The following CTDSP2 variants were observed in gnomAD, a reference collection of about 807,000 sequenced individuals.
CTDSP2 encodes the protein CTD small phosphatase 2.
Under a neutral mutation model 31.6 loss-of-function variants are expected in CTDSP2, and 9 were observed. The observed-to-expected ratio is 0.28, with a 90% CI of 0.17 to 0.50. The LOEUF is 0.50. Among genes scored for constraint, CTDSP2 ranks in the 20% least tolerant of loss-of-function variants. CTDSP2 has a pLI of 0.98. For synonymous variants in CTDSP2, 134 were observed against 134.5 expected (o/e 1.00, Z 0.03); for missense variants, 267 against 348.5 (o/e 0.77, Z 1.86).
At chr12:57,832,790 T>TAAAAAAAAAAAAAAAAAAAAAA (rs61390174) in intron 1 of CTDSP2, among the ~76,000 whole-genome samples, 1 of 44,900 alleles carries the variant, frequency 2.2e-5, no homozygotes, top group Non-Finnish European at 3.7e-5. Context: ...AGACTCTGGC[T>TAAAAAAAAAAAAAAAAAAAAAA]AAAAAAAAAA....
At position 57,824,233 on chromosome 12, in the gene CTDSP2, C is replaced by T. The variant is rs370609789; in HGVS notation, c.498G>A (p.Leu166=). Residue 166 remains leucine (L), a synonymous_variant, in exon 6 of 8, where the codon CTG becomes CTA. Coordinates refer to ENST00000398073, the MANE Select transcript of CTDSP2 (RefSeq NM_005730.4). Reference sequence around the variant, plus strand: ...CCCTCTCACCCCTAGGTACCTTGGCCAGGCTGGCAGTGAAGAGAACACATT... The same window carrying T: ...CCCTCTCACCCCTAGGTACCTTGGCTAGGCTGGCAGTGAAGAGAACACATT... ...LFECVLFTAS[L]AKYADPVTDL... 10 of 1,613,956 alleles carry T rather than the reference C, an allele frequency of 6.2e-6. No individual in the cohort carries two copies. The highest frequency in any genetic ancestry group is 8.5e-6 in the Non-Finnish European group (10 of 1,179,964).
intron 1 of CTDSP2, among the ~76,000 whole-genome samples, chr12:57,837,672 C>G (rs913349381): frequency 6.6e-6 from 1 of 151,994 alleles, no homozygotes; most frequent in Non-Finnish European, 1.5e-5. Context: ...GCCTGGGGGA[C>G]AGAGCAAAAC....
intron 2 of CTDSP2, among the ~76,000 whole-genome samples, chr12:57,827,925 C>T (rs983655538): frequency 6.6e-6 from 1 of 152,158 alleles, no homozygotes; most frequent in Middle Eastern, 3.2e-3. Context: ...AGTCTGAATT[C>T]CTCACAGTGG....
Position 57,820,192 on chromosome 12 carries a change from CCCA to C in CTDSP2, c.*3407_*3409del, listed in dbSNP as rs1237272405. 6.6e-6 allele frequency: 1 copy of C among 152,450 alleles called. No homozygotes were observed. The highest frequency in any genetic ancestry group is 1.5e-5 in the Non-Finnish European group (1 of 68,040). The allele number at this position is 152,450 out of a possible 1,614,324, so 9.4% of individuals were successfully genotyped here. On this transcript the variant is annotated 3_prime_UTR_variant, in exon 8 of 8. Transcript: ENST00000398073. ...ATGATAAGCAAAAAAGCTCACGAGG[CCCA>C]AAGAGGAGGGTCCGCTCCATGGGCA...
chr12:57,827,441 A>G, intron 3 of CTDSP2, 111 bp downstream of exon 3: 1 of 1,178,504 alleles, frequency 8.5e-7, no homozygotes, highest in East Asian at 2.4e-5. Context: ...TTCCCAGGTC[A>G]GGGAGGTGGC....
chr12:57,837,734 A>G (rs1043063618), intron 1 of CTDSP2, among the ~76,000 whole-genome samples: 2 of 152,106 alleles, frequency 1.3e-5, no homozygotes, highest in African/African-American at 4.8e-5. Flanking sequence ...ATTAAAAAGC[A>G]GTTTTAGCCA....
At chr12:57,824,424 C>A in intron 5 of CTDSP2, 105 bp from the exon 6 acceptor site, 1 of 852,532 alleles carries the variant, frequency 1.2e-6, no homozygotes, top group Non-Finnish European at 2.0e-6. Context: ...TCAACCCCTG[C>A]AGCCCAGCCT....
intron 1 of CTDSP2, among the ~76,000 whole-genome samples, chr12:57,836,169 T>C (rs1956246488): frequency 6.6e-6 from 1 of 152,136 alleles, no homozygotes; most frequent in Non-Finnish European, 1.5e-5. Context: ...ATGAGCAGGT[T>C]TCAGAAAGTC....
At chr12:57,823,816 G>T (rs1375658622) in intron 7 of CTDSP2, 88 bp downstream of exon 7, 3 of 1,608,638 alleles carry the variant, frequency 1.9e-6, no homozygotes, top group African/African-American at 2.7e-5. Context: ...GGGTCTTCCT[G>T]GAGGGGTGTA....
In CTDSP2 at chr12:57,829,515, T is replaced by G. The variant is rs1376235665; in HGVS notation, c.146A>C (p.His49Pro). The G allele has an allele frequency of 3.7e-6, 6 of 1,614,158 alleles. No individual in the cohort carries two copies. The highest frequency in any genetic ancestry group is 1.7e-4 in the Middle Eastern group (1 of 6,060). The change falls in exon 2 of 8, where the codon CAT becomes CCT. Residue 49 changes from histidine to proline, a missense_variant. Coordinates refer to ENST00000398073, the MANE Select transcript of CTDSP2 (RefSeq NM_005730.4). Reference sequence around the variant, plus strand: ...AGTGGAGGAACTTGACTGGCCAACATGCTGGGCGCGAAAACAGCAGAAAAG... The same window carrying G: ...AGTGGAGGAACTTGACTGGCCAACAGGCTGGGCGCGAAAACAGCAGAAAAG... ...KALFCCFRAQ[H>P]VGQSSSSTEL...
chr12:57,832,363 G>GA (rs1034390622), intron 1 of CTDSP2, among the ~76,000 whole-genome samples: 1 of 152,184 alleles, frequency 6.6e-6, no homozygotes, highest in African/African-American at 2.4e-5. Context: ...TTATCAAGGA[G>GA]AAAAAATTCA....
At chr12:57,835,312 G>C (rs544464028) in intron 1 of CTDSP2, among the ~76,000 whole-genome samples, 2 of 150,456 alleles carry the variant, frequency 1.3e-5, no homozygotes, top group African/African-American at 4.9e-5. Flanking sequence ...TGGGCAACAA[G>C]AGCGAAAATC....
chr12:57,826,414 A>G lies in CTDSP2; in HGVS notation c.355-12T>C, dbSNP rs1956183399. On this transcript the variant is annotated splice_polypyrimidine_tract_variant and intron_variant, in intron 4 of 7. Coordinates refer to ENST00000398073, the MANE Select transcript of CTDSP2 (RefSeq NM_005730.4). ...GCATTGTTGATTGGCTGGAAGGCAG[A>G]AAAGTTAATGCTGTCAGCATGGTGG... 5.0e-6 allele frequency: 8 copies of G among 1,613,968 alleles called. No individual in the cohort carries two copies. Among genetic ancestry groups the G allele is most frequent in the Non-Finnish European group, 6.8e-6 (8 of 1,179,826 alleles).
intron 1 of CTDSP2, among the ~76,000 whole-genome samples, chr12:57,836,889 T>C (rs1313843044): frequency 1.3e-5 from 2 of 152,216 alleles, no homozygotes; most frequent in Non-Finnish European, 2.9e-5. Flanking sequence ...AGAAAGTTGC[T>C]TTCTTTTTTG....
At chr12:57,829,266 C>T (rs560563757) in intron 2 of CTDSP2, among the ~76,000 whole-genome samples, 182 bp downstream of exon 2, 14 of 152,252 alleles carry the variant, frequency 9.2e-5, no homozygotes, top group South Asian at 4.1e-4. Context: ...TGGCCCACAC[C>T]GCAAAAGGGA....
At chr12:57,826,745 C>T (rs541928637) in intron 4 of CTDSP2, among the ~76,000 whole-genome samples, 294 of 152,234 alleles carry the variant, frequency 1.9e-3, no homozygotes, top group African/African-American at 6.4e-3. Context: ...CTATGTGGCT[C>T]GGGGGCAGAT....
At chr12:57,831,921 A>T (rs1956218176) in intron 1 of CTDSP2, among the ~76,000 whole-genome samples, 1 of 152,254 alleles carries the variant, frequency 6.6e-6, no homozygotes, top group Non-Finnish European at 1.5e-5. Context: ...TTTAACATCC[A>T]GTTACTGGGC....
At position 57,827,119 on chromosome 12, in the gene CTDSP2, G is replaced by T. The variant is rs145894908; in HGVS notation, c.253-22C>A. On this transcript the variant is annotated intron_variant, in intron 3 of 7. Transcript: ENST00000398073. ...GGATCTAAAACCAAGCCAGGTTGCTGAGATCTGCCTACCAAGAAAGCCCAA... is the reference window on the plus strand; with the variant it reads ...GGATCTAAAACCAAGCCAGGTTGCTTAGATCTGCCTACCAAGAAAGCCCAA... The T allele has an allele frequency of 9.8e-5, 153 of 1,561,368 alleles. 1 individual carries two copies. In the African/African-American group the frequency reaches 1.9e-3, roughly 19 times the overall value.
At chr12:57,840,103 G>C (rs1956273651) in intron 1 of CTDSP2, among the ~76,000 whole-genome samples, 1 of 151,660 alleles carries the variant, frequency 6.6e-6, no homozygotes, top group Admixed American at 6.6e-5. Flanking sequence ...CAGGCAGTTG[G>C]GGCCACTGCT....
Sources: allele counts gnomAD v4.1 joint callset (sites outside exome capture counted in the v4.1 genomes callset), GRCh38; gene constraint gnomAD v4.1.1; transcripts MANE v1.5; gene names NCBI Gene and HGNC (gene_info 2026-07-23, HGNC 2026-07-21).